Variants in TGM1 observed in about 807,000 individuals in gnomAD.
TGM1 encodes transglutaminase 1.
TGM1 carries 63 observed loss-of-function variants against 88.7 expected under a neutral mutation model. The observed-to-expected ratio is 0.71, with a 90% CI of 0.58 to 0.88. The LOEUF is 0.88. Among genes scored for constraint, TGM1 ranks in the 40% least tolerant of loss-of-function variants. The pLI, the probability that TGM1 is intolerant of heterozygous loss-of-function variation, is 0.00. For synonymous variants in TGM1, 415 were observed against 431.1 expected, an observed-to-expected ratio of 0.96 and a Z score of 0.46; for missense variants, 996 against 1,118.0, an observed-to-expected ratio of 0.89 and a Z score of 1.56.
In TGM1 at chr14:24,255,363, C is replaced by A. The variant is rs774242987; in HGVS notation, c.1645+1G>T. ...AGCTGGCTGGGTTGGGGGAATGGTA[C>A]CTTCTGGGTGCTTATAGAGGTAGGT... On this transcript the variant is annotated splice_donor_variant, in intron 11 of 14. Coordinates refer to ENST00000206765, the MANE Select transcript of TGM1 (RefSeq NM_000359.3). LOFTEE classifies it high-confidence loss of function. This position sits in a 1 kb window ranked among gnomAD's most constrained non-coding sequence, Gnocchi z 4.0. 2.5e-6 allele frequency: 4 copies of A among 1,614,060 alleles called. No individual in the cohort carries two copies. The highest frequency in any genetic ancestry group is 3.3e-5 in the Admixed American group (2 of 59,992).
At chr14:24,250,528 C>A (rs916489752) in intron 14 of TGM1, among the ~76,000 whole-genome samples, 1 of 152,082 alleles carries the variant, frequency 6.6e-6, no homozygotes, top group African/African-American at 2.4e-5. Context: ...GCAGCCCTAC[C>A]GAATGCCTTC....
Position 24,255,931 on chromosome 14 carries a change from T to C in TGM1, c.1491+58A>G. 1.4e-6 allele frequency: 2 copies of C among 1,411,128 alleles called. No homozygotes were observed. The highest frequency in any genetic ancestry group is 2.5e-5 in the East Asian group (1 of 40,270). 87.4% of individuals were successfully genotyped at this position (1,411,128 alleles called of 1,614,324 possible). ...CAGAGCTGGTCAGTCAGCGGTGAAG[T>C]TGGGACCAGAGAACCCATGACTGAA... On this transcript the variant is annotated intron_variant, in intron 10 of 14. Transcript: ENST00000206765. This position sits in a 1 kb window ranked among gnomAD's most constrained non-coding sequence, Gnocchi z 4.0.
At chr14:24,250,004 T>C (rs1258583173) in intron 14 of TGM1, among the ~76,000 whole-genome samples, 6 of 152,028 alleles carry the variant, frequency 3.9e-5, no homozygotes, top group Admixed American at 3.3e-4. Flanking sequence ...AAGTAATCAC[T>C]CTCTGCTATG....
chr14:24,258,795 C>T (rs1372728740), intron 7 of TGM1, 122 bp from the exon 8 acceptor site: 14 of 1,445,494 alleles, frequency 9.7e-6, no homozygotes, highest in Non-Finnish European at 1.3e-5. Context: ...CTGCCAGGGT[C>T]AGGGCCACGG....
intron 7 of TGM1, 26 bp from the exon 8 acceptor site, chr14:24,258,699 C>A (rs1489552341): frequency 6.2e-7 from 1 of 1,612,508 alleles, no homozygotes; most frequent in African/African-American, 1.3e-5. Flanking sequence ...GGTTGGGGTT[C>A]AAGGCATGGG....
rs121918729 is a variant in TGM1, at chr14:24,262,072, C to T, written c.281G>A (p.Gly94Asp). 274 of 1,613,652 alleles carry T rather than the reference C, an allele frequency of 1.7e-4. 1 individual carries two copies. Among genetic ancestry groups the T allele is most frequent in the Admixed American group, 1.1e-3 (66 of 60,026 alleles). ...GSDSRRPVSR[G>D]SGVNAAGDGT... The stretch of plus-strand genomic sequence containing the variant: ...ATCTCCAGCTGCATTGACACCGCTG[C>T]CCCGGGATACAGGCCGGCGGGAGTC... Residue 94 changes from glycine to aspartate, a missense_variant, in exon 2 of 15, where the codon GGC becomes GAC. Gly to Asp is a moderately conservative substitution (Grantham distance 94). Coordinates refer to ENST00000206765, the MANE Select transcript of TGM1 (RefSeq NM_000359.3).
At position 24,255,507 on chromosome 14, in the gene TGM1, T is replaced by A. The variant is rs2040743461; in HGVS notation, c.1502A>T (p.Asp501Val). The A allele has an allele frequency of 1.2e-6, 2 of 1,613,236 alleles. No homozygotes were observed. Among genetic ancestry groups the A allele is most frequent in the Non-Finnish European group, 1.7e-6 (2 of 1,180,024 alleles). Residue 501 changes from aspartate to valine, a missense_variant, in exon 11 of 15, where the codon GAC becomes GTC. Coordinates refer to ENST00000206765, the MANE Select transcript of TGM1 (RefSeq NM_000359.3). This position sits in a 1 kb window ranked among gnomAD's most constrained non-coding sequence, Gnocchi z 4.0. ...TPFIFAEVNSDKVYWQRQDDG... is the reference protein window; with the variant it reads ...TPFIFAEVNSVKVYWQRQDDG... ...ATCCTGCCGCTGCCAGTACACCTTG[T>A]CACTATTCACCTGTGGGGGGTGGGG...
At position 24,259,925 on chromosome 14, in the gene TGM1, C is replaced by T. The variant is rs765230659; in HGVS notation, c.876+15G>A. The stretch of plus-strand genomic sequence containing the variant: ...CTCCTCTGGGTGTATGTGACCCTGG[C>T]CAGCCGCACCATACCTGGCCGTAGT... On this transcript the variant is annotated intron_variant, in intron 5 of 14. Transcript: ENST00000206765. The surrounding 1 kb of genome is among the most constrained non-coding windows in gnomAD (Gnocchi z 5.7). The T allele has an allele frequency of 1.2e-6, 2 of 1,613,656 alleles. No individual in the cohort carries two copies. The highest frequency in any genetic ancestry group is 2.2e-5 in the South Asian group (2 of 91,078).
chr14:24,253,671 A>C (rs2040719687), intron 14 of TGM1, among the ~76,000 whole-genome samples: 1 of 152,124 alleles, frequency 6.6e-6, no homozygotes, highest in African/African-American at 2.4e-5. Context: ...TTGTAGAAAC[A>C]GGGTTTCATC....
At chr14:24,261,492 G>A (rs895170278) in intron 3 of TGM1, among the ~76,000 whole-genome samples, 5 of 152,136 alleles carry the variant, frequency 3.3e-5, no homozygotes, top group African/African-American at 1.2e-4. Context: ...GAGGCTTGAG[G>A]AGGATGGGCT....
At chr14:24,257,315 G>A (rs2040760965) in intron 9 of TGM1, among the ~76,000 whole-genome samples, 2 of 152,204 alleles carry the variant, frequency 1.3e-5, no homozygotes, top group Admixed American at 1.3e-4. Context: ...CTGGTGGCCT[G>A]GGGCTGGGGT....
rs148402498 is a variant in TGM1 at position 24,254,993 on chromosome 14, C to T, written c.1906G>A (p.Val636Met). Residue 636 changes from valine to methionine, a missense_variant, in exon 12 of 15, where the codon GTG becomes ATG. Val to Met is a conservative substitution (Grantham distance 21, BLOSUM62 1). Transcript: ENST00000206765. ...GTIFKETKKE[V>M]ELAPGASDRV... ...TTACAGGCCCCTGGTGCCAGCTCCA[C>T]TTCCTTCTTGGTCTCCTTGAAGATG... The T allele has an allele frequency of 6.2e-7, 1 of 1,613,828 alleles. No individual in the cohort carries two copies. Among genetic ancestry groups the T allele is most frequent in the African/African-American group, 1.3e-5 (1 of 74,932 alleles).
chr14:24,257,561 C>A (rs899760663), intron 9 of TGM1, among the ~76,000 whole-genome samples: 4 of 152,170 alleles, frequency 2.6e-5, no homozygotes, highest in African/African-American at 7.2e-5. Context: ...CAGGAAGGAA[C>A]TCGTTGAAAG....
intron 14 of TGM1, among the ~76,000 whole-genome samples, chr14:24,250,647 C>T (rs1165340296): frequency 1.3e-5 from 2 of 152,208 alleles, no homozygotes; most frequent in African/African-American, 4.8e-5. Flanking sequence ...CCTACTTTTC[C>T]TCCAAGGCCT....
intron 14 of TGM1, among the ~76,000 whole-genome samples, chr14:24,251,428 A>G (rs774504296): frequency 3.3e-5 from 5 of 152,220 alleles, no homozygotes; most frequent in Non-Finnish European, 5.9e-5. Flanking sequence ...TATTTTCAAG[A>G]GAAACTGTTT....
chr14:24,254,966 A>G lies in TGM1; in HGVS notation c.1927+6T>C, dbSNP rs771416727. 6.2e-7 allele frequency: 1 copy of G among 1,613,616 alleles called. No individual in the cohort carries two copies. Among genetic ancestry groups the G allele is most frequent in the Non-Finnish European group, 8.5e-7 (1 of 1,179,996 alleles). Reference sequence around the variant, plus strand: ...CAGGGGGCAGGGCTGGGTAAGGAGCACTTACAGGCCCCTGGTGCCAGCTCC... The same window carrying G: ...CAGGGGGCAGGGCTGGGTAAGGAGCGCTTACAGGCCCCTGGTGCCAGCTCC... On this transcript the variant is annotated splice_donor_region_variant and intron_variant, in intron 12 of 14. Transcript: ENST00000206765.
At chr14:24,260,233 G>A (rs998106818) in intron 4 of TGM1, 175 bp from the exon 5 acceptor site, 2 of 953,684 alleles carry the variant, frequency 2.1e-6, no homozygotes, top group East Asian at 2.6e-5. Flanking sequence ...GAGGAGATTG[G>A]CTGTAGCCAG....
In TGM1 at chr14:24,255,659, GGA is replaced by G. The variant is rs2139020308; in HGVS notation, c.1492-144_1492-143del. 3 of 1,174,154 alleles carry G rather than the reference GGA, an allele frequency of 2.6e-6. No homozygotes were observed. In the South Asian group the frequency reaches 4.1e-5, roughly 16 times the overall value. The allele number at this position is 1,174,154 out of a possible 1,614,324, so 72.7% of individuals were successfully genotyped here. On this transcript the variant is annotated intron_variant, in intron 10 of 14. Transcript: ENST00000206765. The surrounding 1 kb of genome is among the most constrained non-coding windows in gnomAD (Gnocchi z 4.0). The stretch of plus-strand genomic sequence containing the variant: ...GGGAGCTTCCTGGCAGAGCCCAAGG[GGA>G]GACTTTCCAAGACGAGCCAGACGAG...
rs749407588 is a variant in TGM1 at position 24,254,256 on chromosome 14, A to G, written c.2121T>C (p.Cys707=). 13 of 1,613,972 alleles carry G rather than the reference A, an allele frequency of 8.1e-6. No homozygotes were observed. The South Asian group carries it at 1.3e-4, about 16-fold the overall frequency. The change falls in exon 14 of 15, where the codon TGT becomes TGC. Residue 707 remains cysteine (C), a synonymous_variant. Coordinates refer to ENST00000206765, the MANE Select transcript of TGM1 (RefSeq NM_000359.3). Reference sequence around the variant, plus strand: ...GGTTCTTGAAGACAATCTGTACTTCACACTCCTGGCCAACCACTGCTGCTC... The same window carrying G: ...GGTTCTTGAAGACAATCTGTACTTCGCACTCCTGGCCAACCACTGCTGCTC... ...LLGAAVVGQE[C]EVQIVFKNPL...
Sources: gnomAD v4.1 joint callset for allele counts (sites outside exome capture counted in the v4.1 genomes callset) on GRCh38, gnomAD v4.1.1 for gene constraint, Gnocchi (gnomAD v3.1) non-coding constraint, MANE v1.5 for transcripts, NCBI Gene and HGNC (gene_info 2026-07-23, HGNC 2026-07-21) for gene names.